The following FAF1 variants were observed in gnomAD, a reference collection of about 807,000 sequenced individuals.
FAF1 encodes Fas associated factor 1, also known as FAS-associated factor 1.
Under a neutral mutation model 92.5 loss-of-function variants are expected in FAF1, and 25 were observed. That is an observed-to-expected ratio of 0.27 (90% CI 0.20 to 0.38). The LOEUF (loss-of-function observed/expected upper bound fraction) is 0.38. FAF1 is among the 10% of genes least tolerant of loss of function. The pLI is 1.00. For missense variants in FAF1, 636 were observed against 793.3 expected, an observed-to-expected ratio of 0.80 and a Z score of 2.38; for synonymous variants, 234 against 273.2, an observed-to-expected ratio of 0.86 and a Z score of 1.42.
At chr1:50,895,433 T>A (rs566043119) in intron 1 of FAF1, among the ~76,000 whole-genome samples, 2 of 152,270 alleles carry the variant, frequency 1.3e-5, no homozygotes, top group African/African-American at 4.8e-5. Flanking sequence ...CTTCACTGAA[T>A]CTTACCAAAC....
chr1:50,822,629 A>C (rs558512544), intron 2 of FAF1, among the ~76,000 whole-genome samples: 1 of 152,264 alleles, frequency 6.6e-6, no homozygotes, highest in African/African-American at 2.4e-5. Context: ...TCTCTATTCA[A>C]TGAAATGTGG....
At chr1:50,661,235 T>C (rs1210605387) in intron 7 of FAF1, among the ~76,000 whole-genome samples, 6 of 152,204 alleles carry the variant, frequency 3.9e-5, no homozygotes, top group Non-Finnish European at 1.5e-5. Context: ...CCTGTCACAC[T>C]GGTTTCCCAG....
chr1:50,487,931 T>C (rs1646786476), intron 17 of FAF1, among the ~76,000 whole-genome samples: 1 of 152,200 alleles, frequency 6.6e-6, no homozygotes, highest in Non-Finnish European at 1.5e-5. Context: ...GGTCTCAGTT[T>C]CTTCAGAGGT....
intron 18 of FAF1, among the ~76,000 whole-genome samples, chr1:50,450,771 G>C (rs1386990946): frequency 6.6e-6 from 1 of 152,082 alleles, no homozygotes; most frequent in Non-Finnish European, 1.5e-5. Context: ...AAAATCTTTG[G>C]TAATAATAAA....
chr1:50,802,780 C>A (rs927595012), intron 2 of FAF1, among the ~76,000 whole-genome samples: 2 of 152,186 alleles, frequency 1.3e-5, no homozygotes, highest in Non-Finnish European at 2.9e-5. Context: ...CCTTCCGTAT[C>A]CACATCAAAA....
intron 1 of FAF1, among the ~76,000 whole-genome samples, chr1:50,909,244 G>A (rs145424086): frequency 9.2e-5 from 14 of 152,312 alleles, no homozygotes; most frequent in South Asian, 4.1e-4. Flanking sequence ...CCAGAGATCC[G>A]CTGTTAGTCT....
At chr1:50,480,505 T>C (rs1646688046) in intron 17 of FAF1, among the ~76,000 whole-genome samples, 1 of 152,286 alleles carries the variant, frequency 6.6e-6, no homozygotes, top group East Asian at 1.9e-4. Flanking sequence ...ACTGAGCATC[T>C]TCTATGAGTC....
chr1:50,566,558 T>C (rs958961293), intron 13 of FAF1, among the ~76,000 whole-genome samples: 37 of 152,080 alleles, frequency 2.4e-4, no homozygotes, highest in Non-Finnish European at 2.9e-4. Flanking sequence ...AATTTTTTTT[T>C]CCCTATTGAG....
chr1:50,513,633 T>C (rs1647167550), intron 15 of FAF1, among the ~76,000 whole-genome samples: 1 of 152,204 alleles, frequency 6.6e-6, no homozygotes, highest in African/African-American at 2.4e-5. Context: ...AAGTAAGTAT[T>C]TGCAAAGGAA....
At chr1:50,875,954 G>T (rs1225399794) in intron 1 of FAF1, among the ~76,000 whole-genome samples, 1 of 152,052 alleles carries the variant, frequency 6.6e-6, no homozygotes, top group Non-Finnish European at 1.5e-5. Flanking sequence ...GTTTAATTTC[G>T]TATGTGTGTT....
At chr1:50,460,600 T>C (rs1646413908) in intron 18 of FAF1, among the ~76,000 whole-genome samples, 1 of 151,460 alleles carries the variant, frequency 6.6e-6, no homozygotes, top group Non-Finnish European at 1.5e-5. Context: ...TATGTATATA[T>C]ATGTGTGTGT....
chr1:50,477,120 A>G (rs1359451682), intron 17 of FAF1, among the ~76,000 whole-genome samples: 3 of 152,216 alleles, frequency 2.0e-5, no homozygotes, highest in Non-Finnish European at 4.4e-5. Flanking sequence ...CACGCAGGTG[A>G]ATTTGGTTGG....
intron 17 of FAF1, among the ~76,000 whole-genome samples, chr1:50,479,531 G>T (rs1475764160): frequency 5.3e-5 from 8 of 152,110 alleles, no homozygotes; most frequent in Non-Finnish European, 1.5e-5. Context: ...TTTTTGTTAT[G>T]ATTATTCCTT....
At chr1:50,925,390 G>C (rs1011576955) in intron 1 of FAF1, among the ~76,000 whole-genome samples, 13 of 151,592 alleles carry the variant, frequency 8.6e-5, no homozygotes, top group African/African-American at 3.2e-4. Context: ...CTGTAGATAG[G>C]AAAATACTTA....
At chr1:50,665,362 T>A (rs1440633835) in intron 7 of FAF1, among the ~76,000 whole-genome samples, 1 of 152,254 alleles carries the variant, frequency 6.6e-6, no homozygotes, top group Non-Finnish European at 1.5e-5. Context: ...GACATAATCA[T>A]ACCTGTAACC....
intron 6 of FAF1, 44 bp downstream of exon 6, chr1:50,738,819 C>A (rs878969208): frequency 2.3e-6 from 3 of 1,295,750 alleles, no homozygotes; most frequent in Non-Finnish European, 3.3e-6. Flanking sequence ...ATTTTAACAA[C>A]TGAGTTTTTC....
intron 12 of FAF1, among the ~76,000 whole-genome samples, chr1:50,579,841 T>C (rs999087709): frequency 2.0e-5 from 3 of 152,062 alleles, no homozygotes; most frequent in African/African-American, 7.2e-5. Context: ...GATCCTTGAG[T>C]GGATTGTGGT....
At chr1:50,922,148 CAGAG>C (rs936706041) in intron 1 of FAF1, among the ~76,000 whole-genome samples, 1 of 141,648 alleles carries the variant, frequency 7.1e-6, no homozygotes, top group Non-Finnish European at 1.5e-5. Flanking sequence ...ACCTGGGTAA[CAGAG>C]AGAGACTCCG....
At chr1:50,864,535 A>G (rs1272878563) in intron 1 of FAF1, among the ~76,000 whole-genome samples, 8 of 151,924 alleles carry the variant, frequency 5.3e-5, no homozygotes, top group African/African-American at 1.7e-4. Flanking sequence ...AAATAACACC[A>G]CATATCTACA....
Sources: gnomAD v4.1 joint callset for allele counts (sites outside exome capture counted in the v4.1 genomes callset) on GRCh38, gnomAD v4.1.1 for gene constraint, MANE v1.5 for transcripts, NCBI Gene and HGNC (gene_info 2026-07-23, HGNC 2026-07-21) for gene names.